RIC1: variants seen among roughly 807,000 people sequenced by gnomAD.
RIC1 encodes RIC1 partner of RAB6A GEF complex, also known as guanine nucleotide exchange factor subunit RIC1.
In RIC1, 88 loss-of-function variants were observed where a neutral mutation model predicts 169.0. That is an observed-to-expected ratio of 0.52 (90% confidence interval 0.44 to 0.62). The LOEUF is 0.62. Among genes scored for constraint, RIC1 ranks in the 20% least tolerant of loss-of-function variants. The pLI is 0.00. For synonymous variants in RIC1, 790 were observed against 601.5 expected (o/e 1.31, Z -4.59); for missense variants, 1,877 against 1,725.5 (o/e 1.09, Z -1.56).
At chr9:5,682,122 T>A (rs545261357) in intron 2 of RIC1, among the ~76,000 whole-genome samples, 1 of 152,340 alleles carries the variant, frequency 6.6e-6, no homozygotes, top group African/African-American at 2.4e-5. Context: ...AATTTGCCAG[T>A]CTGTGTCTTT....
At chr9:5,704,809 A>G (rs1175618637) in intron 3 of RIC1, among the ~76,000 whole-genome samples, 2 of 152,026 alleles carry the variant, frequency 1.3e-5, no homozygotes, top group Non-Finnish European at 2.9e-5. Flanking sequence ...TTTAGCTCTT[A>G]TATTTAGAGT....
At chr9:5,683,261 C>G (rs1240627454) in intron 2 of RIC1, among the ~76,000 whole-genome samples, 1 of 152,132 alleles carries the variant, frequency 6.6e-6, no homozygotes, top group African/African-American at 2.4e-5. Context: ...TCTGTTTTTT[C>G]CCCGTCTTTG....
intron 2 of RIC1, among the ~76,000 whole-genome samples, chr9:5,687,141 G>T (rs1346486811): frequency 2.0e-5 from 3 of 151,990 alleles, no homozygotes; most frequent in Admixed American, 2.0e-4. Context: ...TTAATAATGT[G>T]ACCTCATTAT....
At chr9:5,672,698 T>C (rs913936742) in intron 2 of RIC1, among the ~76,000 whole-genome samples, 6 of 152,194 alleles carry the variant, frequency 3.9e-5, no homozygotes, top group East Asian at 1.9e-4. Context: ...GGTTGTCAGA[T>C]TGAAAAGGCT....
At chr9:5,767,674 G>A (rs1033325940) in intron 21 of RIC1, among the ~76,000 whole-genome samples, 13 of 151,938 alleles carry the variant, frequency 8.6e-5, no homozygotes, top group African/African-American at 1.2e-4. Flanking sequence ...CGCAATCTCC[G>A]CCTCCCAGGT....
intron 17 of RIC1, among the ~76,000 whole-genome samples, chr9:5,759,404 G>A (rs1028072800): frequency 6.6e-6 from 1 of 152,200 alleles, no homozygotes; most frequent in African/African-American, 2.4e-5. Flanking sequence ...CTGTTGGACA[G>A]CTACAAGTCA....
chr9:5,731,287 A>G (rs1824357296), intron 6 of RIC1, among the ~76,000 whole-genome samples: 1 of 152,116 alleles, frequency 6.6e-6, no homozygotes, highest in Admixed American at 6.5e-5. Context: ...TTTCAGTCTA[A>G]GCAGCAGTTC....
chr9:5,764,097 T>A (rs1826517746), intron 19 of RIC1, among the ~76,000 whole-genome samples: 1 of 152,132 alleles, frequency 6.6e-6, no homozygotes, highest in African/African-American at 2.4e-5. Context: ...GATTAATGAG[T>A]TCAGAGTAGT....
chr9:5,667,098 G>A (rs189678994), intron 2 of RIC1, among the ~76,000 whole-genome samples: 2 of 152,162 alleles, frequency 1.3e-5, no homozygotes, highest in African/African-American at 4.8e-5. Flanking sequence ...GCTGAGGCGG[G>A]AGGATTGCTT....
intron 2 of RIC1, among the ~76,000 whole-genome samples, chr9:5,674,532 A>G (rs552529616): frequency 1.3e-5 from 2 of 152,320 alleles, no homozygotes; most frequent in South Asian, 4.1e-4. Flanking sequence ...CCAAAAGGGA[A>G]AAAATAAGCT....
intron 3 of RIC1, among the ~76,000 whole-genome samples, chr9:5,702,529 TG>T (rs1213302766): frequency 8.3e-6 from 1 of 120,388 alleles, no homozygotes; most frequent in Admixed American, 7.6e-5. Context: ...TTTTTGTTTT[TG>T]TTTTTGTTTT....
intron 12 of RIC1, among the ~76,000 whole-genome samples, chr9:5,749,049 A>T (rs1448902493): frequency 6.6e-6 from 1 of 152,170 alleles, no homozygotes; most frequent in Non-Finnish European, 1.5e-5. Context: ...AGCTGGAAGG[A>T]CCTAAGAGAT....
At chr9:5,648,936 G>A (rs1187703595) in intron 1 of RIC1, among the ~76,000 whole-genome samples, 1 of 152,068 alleles carries the variant, frequency 6.6e-6, no homozygotes, top group Non-Finnish European at 1.5e-5. Context: ...TGCAACTATT[G>A]TCTACCATTC....
intron 3 of RIC1, among the ~76,000 whole-genome samples, chr9:5,707,827 C>G (rs1282474486): frequency 6.6e-6 from 1 of 152,106 alleles, no homozygotes; most frequent in Non-Finnish European, 1.5e-5. Context: ...CGAATCCATT[C>G]TGATAATGCT....
At position 5,738,536 on chromosome 9, in the gene RIC1, C is replaced by A; in HGVS notation, c.899C>A (p.Pro300His). Residue 300 changes from proline to histidine, a missense_variant and splice_region_variant, in exon 8 of 26, where the codon CCT (proline) becomes CAT (histidine). This residue lies in a region of RIC1 where 1,104 missense variants were observed against 992.0 expected (regional missense o/e 1.11). Coordinates refer to ENST00000414202, the MANE Select transcript of RIC1 (RefSeq NM_020829.4). ...HKLELTAKQY[P>H]DIWNKTGAVK... is the part of the protein sequence containing the mutation. ...TTAGAGCTAACAGCAAAACAGTATC[C>A]TGGTGAGTCTTTTTTTTTTTTTTTT... 1 of 1,453,576 alleles carries A rather than the reference C, an allele frequency of 6.9e-7. No individual in the cohort carries two copies. Among genetic ancestry groups the A allele is most frequent in the Non-Finnish European group, 9.3e-7 (1 of 1,079,982 alleles). The allele number at this position is 1,453,576 out of a possible 1,614,324, so 90.0% of individuals were successfully genotyped here. A position where few individuals can be genotyped will look rare whatever the true frequency, so the allele number is the denominator to read the frequency against.
At chr9:5,754,139 A>T (rs1215558462) in intron 14 of RIC1, among the ~76,000 whole-genome samples, 2 of 152,154 alleles carry the variant, frequency 1.3e-5, no homozygotes, top group Non-Finnish European at 2.9e-5. Context: ...CATATATGTT[A>T]TCTTACTCAT....
intron 3 of RIC1, among the ~76,000 whole-genome samples, chr9:5,706,754 C>G (rs1049714443): frequency 6.6e-6 from 1 of 152,120 alleles, no homozygotes; most frequent in Admixed American, 6.5e-5. Flanking sequence ...ACAATATTCT[C>G]TTATAACCCA....
At chr9:5,696,192 A>G (rs902130860) in intron 3 of RIC1, among the ~76,000 whole-genome samples, 4 of 150,896 alleles carry the variant, frequency 2.7e-5, no homozygotes, top group African/African-American at 9.7e-5. Flanking sequence ...TTATTCACTA[A>G]CTCATTTCTC....
chr9:5,768,237 G>A (rs755911744), intron 21 of RIC1, among the ~76,000 whole-genome samples: 8 of 152,152 alleles, frequency 5.3e-5, no homozygotes, highest in Non-Finnish European at 1.0e-4. Context: ...TTTAAAAATT[G>A]GTTTCAGGAC....
Sources: allele counts gnomAD v4.1 joint callset (sites outside exome capture counted in the v4.1 genomes callset), GRCh38; gene constraint gnomAD v4.1.1; regional missense constraint gnomAD v4.1.1; transcripts MANE v1.5; gene names NCBI Gene and HGNC (gene_info 2026-07-23, HGNC 2026-07-21).